The following C5 variants were observed in gnomAD, a reference collection of about 807,000 sequenced individuals.
C5 encodes the protein complement C5, also known as C3 and PZP-like alpha-2-macroglobulin domain-containing protein 4.
In C5, 140 loss-of-function variants were observed where a neutral mutation model predicts 218.8. The observed-to-expected ratio is 0.64, with a 90% CI of 0.56 to 0.74. The LOEUF is 0.74. C5 is among the 30% of genes least tolerant of loss of function. C5 has a pLI of 0.00. For synonymous variants in C5, 614 were observed against 682.3 expected, an observed-to-expected ratio of 0.90 and a Z score of 1.56; for missense variants, 1,700 against 1,969.6, an observed-to-expected ratio of 0.86 and a Z score of 2.59.
chr9:120,976,563 G>C, intron 29 of C5, 137 bp downstream of exon 29: 1 of 770,172 alleles, frequency 1.3e-6, no homozygotes, highest in Non-Finnish European at 2.3e-6. Flanking sequence ...TAACCTGTAG[G>C]GGTCCTTCAA....
At chr9:120,989,472 A>T in intron 24 of C5, 96 bp downstream of exon 24, 1 of 832,908 alleles carries the variant, frequency 1.2e-6, no homozygotes. Flanking sequence ...AAATTCTCTT[A>T]CAAAGTTTTC....
At chr9:121,040,519 T>C (rs2047568463) in intron 3 of C5, among the ~76,000 whole-genome samples, 1 of 152,236 alleles carries the variant, frequency 6.6e-6, no homozygotes, top group African/African-American at 2.4e-5. Context: ...ATTATAGCTA[T>C]AAATAACAAG....
rs141829974 is a variant in C5 at position 121,037,923 on chromosome 9, G to A, written c.450C>T (p.Asp150=). The stretch of plus-strand genomic sequence containing the variant: ...TTTCTCTTTTGGCTGGCTTCAAGTC[G>A]TCATTCAACGAATAAACTCTAACTT... The part of the protein sequence containing the change: ...SVKVRVYSLN[D]DLKPAKRETV... The change falls in exon 4 of 41, where the codon GAC becomes GAT. Residue 150 remains aspartate, a synonymous_variant. Transcript: ENST00000223642. The A allele has an allele frequency of 1.6e-4, 246 of 1,529,080 alleles. 1 individual carries two copies. The African/African-American group carries it at 2.7e-3, about 17-fold the overall frequency. The allele number at this position is 1,529,080 out of a possible 1,614,324, so 94.7% of individuals were successfully genotyped here.
intron 24 of C5, 134 bp from the exon 25 acceptor site, chr9:120,989,255 G>T: frequency 1.3e-6 from 1 of 757,210 alleles, no homozygotes; most frequent in Non-Finnish European, 2.4e-6. Context: ...GGCCAGCATT[G>T]AACTTCTCAA....
the C5 span, among the ~76,000 whole-genome samples, chr9:121,069,942 A>G: frequency 1.3e-5 from 2 of 152,228 alleles, no homozygotes; most frequent in Non-Finnish European, 2.9e-5. Context: ...ACTACTTGGC[A>G]TTTATCCAAA....
At chr9:121,046,458 C>T (rs2047628840) in intron 1 of C5, 75 bp from the exon 2 acceptor site, 3 of 1,015,080 alleles carry the variant, frequency 3.0e-6, no homozygotes, top group Non-Finnish European at 4.7e-6. Flanking sequence ...TTTTTTCTCT[C>T]ACTTGAGAGA....
intron 30 of C5, among the ~76,000 whole-genome samples, chr9:120,972,926 T>C (rs185916351): frequency 4.1e-4 from 63 of 152,302 alleles, no homozygotes; most frequent in Non-Finnish European, 7.4e-4. Flanking sequence ...ATACTGCATG[T>C]GAAAAGCATG....
intron 29 of C5, among the ~76,000 whole-genome samples, chr9:120,975,835 A>G (rs2046949199): frequency 1.3e-5 from 2 of 152,196 alleles, no homozygotes; most frequent in Admixed American, 6.5e-5. Flanking sequence ...GGCAATGTCC[A>G]TTGCATTTAG....
intron 25 of C5, among the ~76,000 whole-genome samples, chr9:120,984,423 A>C (rs2047017802): frequency 6.6e-6 from 1 of 152,134 alleles, no homozygotes; most frequent in Non-Finnish European, 1.5e-5. Context: ...ATTTTCAAAG[A>C]TTGGCCCACA....
chr9:120,954,764 A>G (rs887830090), intron 39 of C5, among the ~76,000 whole-genome samples: 5 of 152,246 alleles, frequency 3.3e-5, no homozygotes, highest in African/African-American at 7.2e-5. Context: ...CAAATAGTGT[A>G]TAATAGAAAC....
chr9:120,959,838 T>G (rs1482880018), intron 38 of C5, among the ~76,000 whole-genome samples: 1 of 152,194 alleles, frequency 6.6e-6, no homozygotes, highest in East Asian at 1.9e-4. Flanking sequence ...GTATTTATAT[T>G]TTTACCCTGA....
intron 30 of C5, among the ~76,000 whole-genome samples, chr9:120,972,856 A>G (rs906972060): frequency 1.1e-4 from 17 of 152,234 alleles, no homozygotes; most frequent in Non-Finnish European, 1.8e-4. Context: ...AAAGTAGGTC[A>G]ACATTCTTGT....
At chr9:120,994,944 AG>A (rs1403862299) in intron 22 of C5, among the ~76,000 whole-genome samples, 1 of 151,216 alleles carries the variant, frequency 6.6e-6, no homozygotes, top group Non-Finnish European at 1.5e-5. Context: ...AAAAAGAAAG[AG>A]AAGCCAAGGA....
rs766899349 is a variant in C5, at chr9:121,034,810, T to C, written c.577A>G (p.Asn193Asp). ...ISFPDFKIPS[N>D]PRYGMWTIKA... The stretch of plus-strand genomic sequence containing the variant: ...ACAACTATTTTTACATACCTAGGAT[T>C]AGACGGAATCTTGAAGTCAGGAAAA... Residue 193 changes from asparagine (N) to aspartate (D), a missense_variant, in exon 5 of 41, where the codon AAT becomes GAT. Coordinates refer to ENST00000223642, the MANE Select transcript of C5 (RefSeq NM_001735.3). The C allele has an allele frequency of 1.9e-6, 3 of 1,539,004 alleles. No individual in the cohort carries two copies. Among genetic ancestry groups the C allele is most frequent in the African/African-American group, 2.7e-5 (2 of 73,482 alleles).
chr9:121,071,365 C>CA, the C5 span, among the ~76,000 whole-genome samples: 118 of 149,352 alleles, frequency 7.9e-4, no homozygotes, highest in South Asian at 3.0e-3. Flanking sequence ...CCAACAAAAA[C>CA]AAAAAAAAAT....
At chr9:121,031,328 G>C (rs565899497) in intron 6 of C5, among the ~76,000 whole-genome samples, 71 of 152,148 alleles carry the variant, frequency 4.7e-4, no homozygotes, top group African/African-American at 1.7e-3. Flanking sequence ...GAATATATTA[G>C]GAATTTAGGA....
At chr9:120,994,532 G>C (rs1192509570) in intron 22 of C5, among the ~76,000 whole-genome samples, 1 of 151,846 alleles carries the variant, frequency 6.6e-6, no homozygotes, top group African/African-American at 2.4e-5. Context: ...GCAGTGAGCT[G>C]ACATGGCGCC....
At chr9:121,025,738 C>A in intron 8 of C5, 158 bp from the exon 9 acceptor site, 1 of 634,268 alleles carries the variant, frequency 1.6e-6, no homozygotes, top group Non-Finnish European at 2.7e-6. Context: ...CGATTAAGCC[C>A]AGGATGTTAT....
At chr9:120,995,401 C>A (rs2047108661) in intron 22 of C5, among the ~76,000 whole-genome samples, 1 of 152,114 alleles carries the variant, frequency 6.6e-6, no homozygotes, top group South Asian at 2.1e-4. Flanking sequence ...TCCTAAATTT[C>A]ATAAATACAT....
Sources: gnomAD v4.1 joint callset for allele counts (sites outside exome capture counted in the v4.1 genomes callset) on GRCh38, gnomAD v4.1.1 for gene constraint, MANE v1.5 for transcripts, NCBI Gene and HGNC (gene_info 2026-07-23, HGNC 2026-07-21) for gene names.